Variants in VPS35L observed in about 807,000 individuals in gnomAD.
VPS35L encodes VPS35 endosomal protein sorting factor like.
In VPS35L, 83 loss-of-function variants were observed where a neutral mutation model predicts 133.0. The ratio of observed to expected loss-of-function variants is 0.62; its 90% confidence interval spans 0.52 to 0.75. The LOEUF is 0.75. Ranked by LOEUF, VPS35L falls within the 30% of genes least tolerant of loss-of-function variation. The pLI, the probability that VPS35L is intolerant of heterozygous loss-of-function variation, is 0.00. For missense variants in VPS35L, 1,083 were observed against 1,206.8 expected (o/e 0.90, Z 1.52); for synonymous variants, 423 against 449.9 (o/e 0.94, Z 0.76).
At chr16:19,671,955 T>C (rs999666589) in intron 27 of VPS35L, among the ~76,000 whole-genome samples, 8 of 152,142 alleles carry the variant, frequency 5.3e-5, no homozygotes, top group Non-Finnish European at 1.2e-4. Flanking sequence ...TAGGTTGAAA[T>C]AGGCTCACAA....
Position 19,652,021 on chromosome 16 carries a change from A to G in VPS35L, c.2152A>G (p.Ile718Val). The G allele has an allele frequency of 1.2e-6, 2 of 1,613,590 alleles. No homozygotes were observed. The highest frequency in any genetic ancestry group is 1.7e-6 in the Non-Finnish European group (2 of 1,179,802). The change falls in exon 26 of 31, where the codon ATC (isoleucine) becomes GTC (valine). Residue 718 changes from isoleucine (I) to valine (V), a missense_variant. Ile to Val is a conservative substitution (Grantham distance 29, BLOSUM62 3). Coordinates refer to ENST00000417362, the MANE Select transcript of VPS35L (RefSeq NM_020314.7). ...CFITIPSLAGIFTRLNLYLHS... is the reference protein window; with the variant it reads ...CFITIPSLAGVFTRLNLYLHS... ...CATCACCATCCCCTCCCTGGCGGGC[A>G]TCTTCACACGTCTCAATCTCTACCT...
intron 14 of VPS35L, among the ~76,000 whole-genome samples, chr16:19,622,079 T>C (rs12934024): frequency 2.0e-5 from 3 of 151,082 alleles, no homozygotes; most frequent in Non-Finnish European, 4.4e-5. Context: ...TCTGGAACAG[T>C]GGCTGGTATA....
intron 7 of VPS35L, chr16:19,587,350 C>CTGGGCGTGG (rs745975171): frequency 2.9e-5 from 13 of 453,782 alleles, no homozygotes; most frequent in South Asian, 2.0e-4. Flanking sequence ...TTGACCAAGG[C>CTGGGCGTGG]TGGGCGTGGT....
At chr16:19,631,431 A>G (rs1973453260) in intron 18 of VPS35L, among the ~76,000 whole-genome samples, 1 of 151,982 alleles carries the variant, frequency 6.6e-6, no homozygotes, top group Non-Finnish European at 1.5e-5. Context: ...CTAACACCAA[A>G]ATTGATGTTG....
intron 30 of VPS35L, 106 bp from the exon 31 acceptor site, chr16:19,700,272 C>T (rs1976076342): frequency 1.0e-6 from 1 of 991,686 alleles, no homozygotes. Context: ...AAAACTCACT[C>T]TTCTCTGCTA....
chr16:19,647,412 T>G (rs1973983666), intron 23 of VPS35L, among the ~76,000 whole-genome samples: 1 of 152,204 alleles, frequency 6.6e-6, no homozygotes, highest in African/African-American at 2.4e-5. Flanking sequence ...GTGGAAAAAC[T>G]TCCATCTATG....
At chr16:19,669,106 C>A in intron 26 of VPS35L, 54 bp from the exon 27 acceptor site, 2 of 1,536,994 alleles carry the variant, frequency 1.3e-6, no homozygotes, top group Non-Finnish European at 1.8e-6. Flanking sequence ...AAGAAGAAAG[C>A]CAACTAAATT....
intron 7 of VPS35L, among the ~76,000 whole-genome samples, chr16:19,584,112 C>T (rs1479001856): frequency 1.3e-5 from 2 of 152,134 alleles, no homozygotes; most frequent in African/African-American, 4.8e-5. Context: ...CATTTATATA[C>T]ATTTAGATTG....
At chr16:19,669,886 G>A (rs1340490898) in intron 27 of VPS35L, among the ~76,000 whole-genome samples, 2 of 152,158 alleles carry the variant, frequency 1.3e-5, no homozygotes, top group South Asian at 2.1e-4. Flanking sequence ...GTTCAGGCTG[G>A]TCTTGAACTC....
At chr16:19,582,429 A>G (rs1971739245) in intron 7 of VPS35L, among the ~76,000 whole-genome samples, 1 of 152,218 alleles carries the variant, frequency 6.6e-6, no homozygotes, top group Admixed American at 6.5e-5. Context: ...CTTTTGAAAG[A>G]CAGGAGAGTC....
intron 26 of VPS35L, 53 bp from the exon 27 acceptor site, chr16:19,669,107 C>T: frequency 6.5e-7 from 1 of 1,538,808 alleles, no homozygotes; most frequent in Non-Finnish European, 8.8e-7. Flanking sequence ...AGAAGAAAGC[C>T]AACTAAATTT....
chr16:19,694,942 G>T (rs751519965), intron 29 of VPS35L, among the ~76,000 whole-genome samples: 2 of 151,708 alleles, frequency 1.3e-5, no homozygotes, highest in East Asian at 3.9e-4. Context: ...GGAGGGGGAG[G>T]TTGCAGTGAG....
intron 20 of VPS35L, among the ~76,000 whole-genome samples, chr16:19,638,168 C>T (rs892487384): frequency 6.6e-6 from 1 of 152,140 alleles, no homozygotes; most frequent in African/African-American, 2.4e-5. Flanking sequence ...TAGGTTATTC[C>T]CTGTATAGTA....
chr16:19,683,777 C>A (rs971135036), intron 28 of VPS35L, among the ~76,000 whole-genome samples: 1 of 152,186 alleles, frequency 6.6e-6, no homozygotes, highest in Non-Finnish European at 1.5e-5. Context: ...TGCATGTGTC[C>A]TTTCAGTAGA....
chr16:19,607,346 CAGTG>C (rs1972567521), intron 9 of VPS35L, among the ~76,000 whole-genome samples: 1 of 152,130 alleles, frequency 6.6e-6, no homozygotes, highest in Admixed American at 6.5e-5. Context: ...GCATTCCAGT[CAGTG>C]AGCAGAAAGA....
chr16:19,700,298 C>G (rs2151634517), intron 30 of VPS35L, 80 bp from the exon 31 acceptor site: 1 of 1,264,636 alleles, frequency 7.9e-7, no homozygotes, highest in Admixed American at 1.8e-5. Context: ...TCTAAGCTCA[C>G]ATAATGGCTG....
chr16:19,644,832 T>C, intron 22 of VPS35L, 54 bp from the exon 23 acceptor site: 3 of 1,348,906 alleles, frequency 2.2e-6, no homozygotes, highest in Non-Finnish European at 2.1e-6. Context: ...TTTTTTTCTT[T>C]AGAAACTTTC....
chr16:19,684,806 C>G (rs1322642326), intron 28 of VPS35L, among the ~76,000 whole-genome samples: 2 of 152,146 alleles, frequency 1.3e-5, no homozygotes, highest in Admixed American at 6.5e-5. Flanking sequence ...CCTATAATCC[C>G]AGCACTTTGG....
intron 19 of VPS35L, among the ~76,000 whole-genome samples, chr16:19,635,438 G>A (rs898550898): frequency 1.3e-5 from 2 of 152,080 alleles, no homozygotes; most frequent in Non-Finnish European, 2.9e-5. Context: ...AAAGACAGAC[G>A]GAAGAACTTG....
Sources: allele counts gnomAD v4.1 joint callset (sites outside exome capture counted in the v4.1 genomes callset), GRCh38; gene constraint gnomAD v4.1.1; transcripts MANE v1.5; gene names NCBI Gene and HGNC (gene_info 2026-07-23, HGNC 2026-07-21).